ATAD3A: variants seen among roughly 807,000 people sequenced by gnomAD.
ATAD3A encodes ATPase family AAA domain-containing protein 3A.
ATAD3A carries 46 observed loss-of-function variants against 73.8 expected under a neutral mutation model. That is an observed-to-expected ratio of 0.62 (90% CI 0.49 to 0.80). The LOEUF is 0.80. Among genes scored for constraint, ATAD3A ranks in the 30% least tolerant of loss-of-function variants. The pLI is 0.00. For synonymous variants in ATAD3A, 319 were observed against 350.0 expected (o/e 0.91, Z 0.99); for missense variants, 705 against 838.0 (o/e 0.84, Z 1.96).
At chr1:1,527,213 A>G in intron 13 of ATAD3A, 1 of 1,301,742 alleles carries the variant, frequency 7.7e-7, no homozygotes, top group South Asian at 1.2e-5. Flanking sequence ...GCCGTGGCTG[A>G]CTCCTCAGGC....
rs1433964372 is a variant in ATAD3A at position 1,530,693 on chromosome 1, G to C, written c.1614+1362G>C. On this transcript the variant is annotated intron_variant, in intron 15 of 15. Coordinates refer to ENST00000378756, the MANE Select transcript of ATAD3A (RefSeq NM_001170535.3). ...AAATACAAAAAATTAGCCGGGCGTAGTGGCGGGCGCCTGTAGTCCCAGCTA... is the reference window on the plus strand; with the variant it reads ...AAATACAAAAAATTAGCCGGGCGTACTGGCGGGCGCCTGTAGTCCCAGCTA... Among the ~76,000 whole-genome samples, 4 of 123,292 alleles carry C rather than the reference G, an allele frequency of 3.2e-5. 1 individual carries two copies. Among genetic ancestry groups the C allele is most frequent in the African/African-American group, 2.0e-4 (4 of 20,132 alleles). The allele number at this position is 123,292 out of a possible 152,430, so 80.9% of individuals were successfully genotyped here.
chr1:1,513,919 G>C (rs1469511331), intron 1 of ATAD3A, among the ~76,000 whole-genome samples: 1 of 152,068 alleles, frequency 6.6e-6, no homozygotes, highest in African/African-American at 2.4e-5. Context: ...GCCCCATGCC[G>C]CCTGGTTCCC....
intron 15 of ATAD3A, among the ~76,000 whole-genome samples, chr1:1,530,900 C>T (rs914608379): frequency 6.6e-6 from 1 of 151,304 alleles, no homozygotes; most frequent in Non-Finnish European, 1.5e-5. Flanking sequence ...TCCTGTAATC[C>T]CAGCACGTTG....
rs1641859216 is a variant in ATAD3A, at chr1:1,526,674, T to G, written c.1337+143T>G. ...CAACATGCCCACCTCGGATGTCCCC[T>G]GGGAACGGCCCAGCTCGGGACAGCA... On this transcript the variant is annotated intron_variant, in intron 13 of 15. Coordinates refer to ENST00000378756, the MANE Select transcript of ATAD3A (RefSeq NM_001170535.3). 7 of 1,519,552 alleles carry G rather than the reference T, an allele frequency of 4.6e-6. No individual in the cohort carries two copies. The South Asian group carries it at 7.5e-5, about 16-fold the overall frequency. The allele number at this position is 1,519,552 out of a possible 1,614,324, so 94.1% of individuals were successfully genotyped here. A position where few individuals can be genotyped will look rare whatever the true frequency, so the allele number is the denominator to read the frequency against.
At chr1:1,532,149 G>A (rs567397848) in intron 15 of ATAD3A, among the ~76,000 whole-genome samples, 12 of 152,216 alleles carry the variant, frequency 7.9e-5, no homozygotes, top group African/African-American at 2.9e-4. Flanking sequence ...ATCCTGCTTG[G>A]TCAGGGTGTA....
intron 4 of ATAD3A, among the ~76,000 whole-genome samples, chr1:1,518,505 AC>A (rs1315196370): frequency 4.4e-5 from 2 of 45,108 alleles, no homozygotes; most frequent in East Asian, 1.5e-3. Flanking sequence ...CACGCACACA[AC>A]CCCCCCACAT....
chr1:1,514,790 AAG>A (rs1641302749), intron 1 of ATAD3A, among the ~76,000 whole-genome samples: 1 of 152,148 alleles, frequency 6.6e-6, no homozygotes, highest in African/African-American at 2.4e-5. Flanking sequence ...CTGCGGGAGG[AAG>A]AGAGACGGGA....
intron 15 of ATAD3A, among the ~76,000 whole-genome samples, chr1:1,530,528 T>G (rs1641997392): frequency 7.2e-6 from 1 of 139,268 alleles, no homozygotes. Flanking sequence ...CAAGACCCTG[T>G]CTTAAAAACT....
chr1:1,514,522 G>A (rs1641293573), intron 1 of ATAD3A, among the ~76,000 whole-genome samples: 1 of 152,196 alleles, frequency 6.6e-6, no homozygotes, highest in African/African-American at 2.4e-5. Context: ...GGCCCCCGAG[G>A]TTAGCTACCA....
At chr1:1,533,831 C>T (rs1319994258) in intron 15 of ATAD3A, 95 bp from the exon 16 acceptor site, 1 of 1,465,524 alleles carries the variant, frequency 6.8e-7, no homozygotes, top group Non-Finnish European at 9.1e-7. Flanking sequence ...TCCTGGAGCC[C>T]CTGGTTTGGT....
chr1:1,512,649 C>G, intron 1 of ATAD3A, 176 bp downstream of exon 1: 1 of 1,389,180 alleles, frequency 7.2e-7, no homozygotes, highest in Non-Finnish European at 9.5e-7. Context: ...GGACTCTTTC[C>G]GTCACCCGTT....
rs1351004161 is a variant in ATAD3A, at chr1:1,534,359, C to G, written c.*287C>G. On this transcript the variant is annotated 3_prime_UTR_variant, in exon 16 of 16. Coordinates refer to ENST00000378756, the MANE Select transcript of ATAD3A (RefSeq NM_001170535.3). Reference sequence around the variant, plus strand: ...ACAGGGGGAGGGTGAGGCTTTGCACCCCAGCCCCTGCCCAGGCCACTGTGA... The same window carrying G: ...ACAGGGGGAGGGTGAGGCTTTGCACGCCAGCCCCTGCCCAGGCCACTGTGA... 2.2e-6 allele frequency: 3 copies of G among 1,392,278 alleles called. No individual in the cohort carries two copies. Among genetic ancestry groups the G allele is most frequent in the Non-Finnish European group, 1.9e-6 (2 of 1,075,912 alleles). The allele number at this position is 1,392,278 out of a possible 1,614,324, so 86.2% of individuals were successfully genotyped here. A position where few individuals can be genotyped will look rare whatever the true frequency, so the allele number is the denominator to read the frequency against.
chr1:1,521,183 C>T (rs1202694484), intron 7 of ATAD3A, among the ~76,000 whole-genome samples: 1 of 151,276 alleles, frequency 6.6e-6, no homozygotes, highest in African/African-American at 2.4e-5. Context: ...CCTATAGTCC[C>T]AGCTACTCAA....
In ATAD3A at chr1:1,523,547, C is replaced by T; in HGVS notation, c.943C>T (p.Leu315=). 1 of 1,612,968 alleles carries T rather than the reference C, an allele frequency of 6.2e-7. No individual in the cohort carries two copies. The highest frequency in any genetic ancestry group is 8.5e-7 in the Non-Finnish European group (1 of 1,179,702). ...GCTCCTCAGTCGACCCCAGGACGCG[C>T]TGGAGGGTGTTGTGCTCAGTGTAAG... ...RRLLSRPQDA[L]EGVVLSPSLE... Residue 315 remains leucine (L), a synonymous_variant, in exon 9 of 16, where the codon CTG becomes TTG. Coordinates refer to ENST00000378756, the MANE Select transcript of ATAD3A (RefSeq NM_001170535.3). This position sits in a 1 kb window ranked among gnomAD's most constrained non-coding sequence, Gnocchi z 5.1.
At chr1:1,519,393 A>AC (rs1641504965) in intron 5 of ATAD3A, among the ~76,000 whole-genome samples, 1 of 106,302 alleles carries the variant, frequency 9.4e-6, no homozygotes. Flanking sequence ...CGCCCAGCTA[A>AC]TTTTTTTGTA....
chr1:1,517,263 A>C (rs756601598), intron 2 of ATAD3A, 48 bp from the exon 3 acceptor site: 1 of 1,547,164 alleles, frequency 6.5e-7, no homozygotes, highest in Non-Finnish European at 8.7e-7. Flanking sequence ...GCTGTCAGGC[A>C]GTGCCAGCCC....
Position 1,512,182 on chromosome 1 carries a change from C to T in ATAD3A, c.-87C>T. ...TGCGCAGTGGCGGTGACCACCGGCT[C>T]GCGGCGCGTGGAGGCTGCTCCCAGC... On this transcript the variant is annotated 5_prime_UTR_variant, in exon 1 of 16. Coordinates refer to ENST00000378756, the MANE Select transcript of ATAD3A (RefSeq NM_001170535.3). 2 of 1,216,508 alleles carry T rather than the reference C, an allele frequency of 1.6e-6. No homozygotes were observed. The highest frequency in any genetic ancestry group is 4.3e-5 in the Admixed American group (1 of 23,090). 75.4% of individuals were successfully genotyped at this position (1,216,508 alleles called of 1,614,324 possible). A position where few individuals can be genotyped will look rare whatever the true frequency, so the allele number is the denominator to read the frequency against.
chr1:1,530,841 A>AC (rs1642008667), intron 15 of ATAD3A, among the ~76,000 whole-genome samples: 1 of 141,608 alleles, frequency 7.1e-6, no homozygotes, highest in Non-Finnish European at 1.5e-5. Flanking sequence ...AAAAAAAAAA[A>AC]AAAAAAAAAA....
At chr1:1,524,127 T>A in intron 10 of ATAD3A, 146 bp from the exon 11 acceptor site, 1 of 1,388,982 alleles carries the variant, frequency 7.2e-7, no homozygotes, top group Non-Finnish European at 9.6e-7. Context: ...CCTCCCATCT[T>A]CCAGGCGGGG....
Sources: gnomAD v4.1 joint callset for allele counts (sites outside exome capture counted in the v4.1 genomes callset) on GRCh38, gnomAD v4.1.1 for gene constraint, Gnocchi (gnomAD v3.1) non-coding constraint, MANE v1.5 for transcripts, NCBI Gene and HGNC (gene_info 2026-07-23, HGNC 2026-07-21) for gene names.